Variants in MITF observed in about 807,000 individuals in gnomAD.
MITF encodes microphthalmia-associated transcription factor.
MITF carries 17 observed loss-of-function variants against 60.5 expected under a neutral mutation model. That is an observed-to-expected ratio of 0.28 (90% confidence interval 0.19 to 0.42). The LOEUF is 0.42. Among genes scored for constraint, MITF ranks in the 10% least tolerant of loss-of-function variants. The pLI, the probability that MITF is intolerant of heterozygous loss-of-function variation, is 1.00. For missense variants in MITF, 622 were observed against 683.5 expected (o/e 0.91, Z 1.00); for synonymous variants, 260 against 248.5 (o/e 1.05, Z -0.43).
intron 1 of MITF, among the ~76,000 whole-genome samples, chr3:69,863,738 A>T (rs1452377490): frequency 6.6e-6 from 1 of 152,128 alleles, no homozygotes; most frequent in African/African-American, 2.4e-5. Context: ...TTTCATTAAA[A>T]TTTATTTTTA....
intron 2 of MITF, among the ~76,000 whole-genome samples, chr3:69,934,297 C>G (rs949447877): frequency 6.6e-6 from 1 of 152,126 alleles, no homozygotes; most frequent in East Asian, 1.9e-4. Flanking sequence ...GGCTACATGT[C>G]GTGTTGAGAT....
chr3:69,793,479 G>A (rs944793290), intron 1 of MITF, among the ~76,000 whole-genome samples: 1 of 101,134 alleles, frequency 9.9e-6, no homozygotes, highest in Non-Finnish European at 2.4e-5. Context: ...AGCGTCCCTG[G>A]CTTCTACCCA....
intron 1 of MITF, among the ~76,000 whole-genome samples, chr3:69,848,713 C>T (rs796813614): frequency 6.6e-5 from 10 of 152,212 alleles, no homozygotes; most frequent in African/African-American, 2.2e-4. Flanking sequence ...CAATGACAAT[C>T]ATGTCACATC....
intron 1 of MITF, among the ~76,000 whole-genome samples, chr3:69,873,023 C>CTGGA (rs113102983): frequency 0.026 from 3,988 of 152,030 alleles, 168 homozygotes; most frequent in African/African-American, 0.089. Flanking sequence ...TGCCAGAGAC[C>CTGGA]TGGAGTATTT....
chr3:69,961,336 C>T (rs565226139), intron 9 of MITF, among the ~76,000 whole-genome samples: 4 of 147,318 alleles, frequency 2.7e-5, no homozygotes, highest in Admixed American at 6.8e-5. Flanking sequence ...GAGCCAAGAT[C>T]GCGCCACTGC....
In MITF at chr3:69,797,920, G is replaced by T. The variant is rs111498473; in HGVS notation, c.104+58219G>T. Among the ~76,000 whole-genome samples, 660 of 152,348 alleles carry T rather than the reference G, an allele frequency of 4.3e-3. 5 individuals carry two copies. Among genetic ancestry groups the T allele is most frequent in the African/African-American group, 0.015 (612 of 41,588 alleles). ...TGCAGAAGCAACGTACATTTTAGAT[G>T]TTTATGGAGGGCTTTAAACTGATCA... On this transcript the variant is annotated intron_variant, in intron 1 of 9. Coordinates refer to ENST00000352241, the MANE Select transcript of MITF (RefSeq NM_001354604.2).
At chr3:69,939,241 G>A in intron 4 of MITF, 60 bp downstream of exon 4, 1 of 1,462,652 alleles carries the variant, frequency 6.8e-7, no homozygotes. Context: ...TATATTTGTG[G>A]TGGATCACAC....
Position 69,876,343 on chromosome 3 carries a change from T to G in MITF, c.105-2791T>G, listed in dbSNP as rs546152914. Among the ~76,000 whole-genome samples, 11 of 152,294 alleles carry G rather than the reference T, an allele frequency of 7.2e-5. No homozygotes were observed. The East Asian group carries it at 2.1e-3, about 29-fold the overall frequency. On this transcript the variant is annotated intron_variant, in intron 1 of 9. Transcript: ENST00000352241. ...AAGGATCAGTCTCTCTGGGAATGTT[T>G]TAACCTGACAGGCTTTGAATAGTAA...
At chr3:69,842,237 C>T (rs35022873) in intron 1 of MITF, among the ~76,000 whole-genome samples, 47,269 of 151,922 alleles carry the variant, frequency 0.31, 8,893 homozygotes, top group Non-Finnish European at 0.43. Flanking sequence ...CAAAATCATG[C>T]AGTAGACAAC....
At chr3:69,849,852 C>T (rs1033855749) in intron 1 of MITF, among the ~76,000 whole-genome samples, 2 of 152,202 alleles carry the variant, frequency 1.3e-5, no homozygotes, top group Admixed American at 1.3e-4. Context: ...GACTTATATA[C>T]CTCTCAATCT....
chr3:69,828,890 A>G (rs767860326), intron 1 of MITF, among the ~76,000 whole-genome samples: 1 of 151,436 alleles, frequency 6.6e-6, no homozygotes, highest in African/African-American at 2.4e-5. Context: ...TTTTTTCATT[A>G]TCAGCTAGAG....
At chr3:69,939,285 TG>T (rs1483494332) in intron 4 of MITF, 104 bp downstream of exon 4, 73 of 1,031,848 alleles carry the variant, frequency 7.1e-5, no homozygotes, top group Non-Finnish European at 9.1e-5. Context: ...TTTCCCCCAT[TG>T]TTTTTTTTTT....
chr3:69,959,522 T>C, intron 9 of MITF, 102 bp downstream of exon 9: 6 of 1,369,108 alleles, frequency 4.4e-6, no homozygotes, highest in Non-Finnish European at 6.2e-6. Flanking sequence ...TACGTGATCC[T>C]AACACAGTCA....
intron 1 of MITF, among the ~76,000 whole-genome samples, chr3:69,797,545 G>A (rs1479702666): frequency 6.6e-6 from 1 of 152,060 alleles, no homozygotes; most frequent in African/African-American, 2.4e-5. Flanking sequence ...GTGTGATGGT[G>A]GAGTAATTAA....
At chr3:69,915,412 A>G (rs956564061) in intron 2 of MITF, among the ~76,000 whole-genome samples, 1 of 152,046 alleles carries the variant, frequency 6.6e-6, no homozygotes, top group South Asian at 2.1e-4. Flanking sequence ...CATACCACAC[A>G]ATTCTTGTTT....
rs2064787580 is a variant in MITF, at chr3:69,892,769, A to C, written c.354+13386A>C. 1.3e-5 allele frequency among the ~76,000 whole-genome samples: 2 copies of C among 152,210 alleles called. 1 individual carries two copies. Among genetic ancestry groups the C allele is most frequent in the South Asian group, 4.1e-4 (2 of 4,832 alleles). Reference sequence around the variant, plus strand: ...TGACATCTGTAATTCCCCCAGCAGTAGGCCCTTCATGGTCTGTCTCTGACA... The same window carrying C: ...TGACATCTGTAATTCCCCCAGCAGTCGGCCCTTCATGGTCTGTCTCTGACA... On this transcript the variant is annotated intron_variant, in intron 2 of 9. Coordinates refer to ENST00000352241, the MANE Select transcript of MITF (RefSeq NM_001354604.2).
intron 1 of MITF, among the ~76,000 whole-genome samples, chr3:69,844,602 A>C (rs2063697612): frequency 6.6e-6 from 1 of 152,222 alleles, no homozygotes; most frequent in African/African-American, 2.4e-5. Flanking sequence ...AATGGCTAAC[A>C]AAAGCTGAAA....
chr3:69,881,011 T>G (rs1044181510), intron 2 of MITF, among the ~76,000 whole-genome samples: 2 of 152,092 alleles, frequency 1.3e-5, no homozygotes, highest in African/African-American at 4.8e-5. Flanking sequence ...GAAACATCAT[T>G]TCCAGATTAT....
intron 1 of MITF, among the ~76,000 whole-genome samples, chr3:69,861,417 GA>G (rs765901731): frequency 2.6e-5 from 4 of 152,186 alleles, no homozygotes; most frequent in Non-Finnish European, 5.9e-5. Flanking sequence ...TGCTATAAAA[GA>G]AAGAAGCTTG....
Sources: allele counts gnomAD v4.1 joint callset (sites outside exome capture counted in the v4.1 genomes callset), GRCh38; gene constraint gnomAD v4.1.1; transcripts MANE v1.5; gene names NCBI Gene and HGNC (gene_info 2026-07-23, HGNC 2026-07-21).